Variants in SNTG1 observed in about 807,000 individuals in gnomAD.
The protein encoded by SNTG1 is gamma-1-syntrophin.
SNTG1 carries 39 observed loss-of-function variants against 74.7 expected under a neutral mutation model. That is an observed-to-expected ratio of 0.52 (90% CI 0.40 to 0.68). The LOEUF (loss-of-function observed/expected upper bound fraction) is 0.68, where lower values mean the gene tolerates loss of function less well. Among genes scored for constraint, SNTG1 ranks in the 30% least tolerant of loss-of-function variants. The pLI, the probability that SNTG1 is intolerant of heterozygous loss-of-function variation, is 0.00. For synonymous variants in SNTG1, 254 were observed against 217.1 expected (o/e 1.17, Z -1.49); for missense variants, 685 against 609.5 (o/e 1.12, Z -1.30).
intron 1 of SNTG1, among the ~76,000 whole-genome samples, chr8:50,069,268 C>T (rs1266698157): frequency 2.6e-5 from 4 of 152,150 alleles, no homozygotes; most frequent in African/African-American, 9.7e-5. Context: ...CAACTTTGGG[C>T]TCAGTGGTAT....
At chr8:50,167,387 C>T (rs2082658397) in intron 1 of SNTG1, among the ~76,000 whole-genome samples, 1 of 150,794 alleles carries the variant, frequency 6.6e-6, no homozygotes, top group Non-Finnish European at 1.5e-5. Context: ...TCTAAACCAA[C>T]TTTTCCTATA....
chr8:49,946,452 A>G (rs1439280624), intron 1 of SNTG1, among the ~76,000 whole-genome samples: 2 of 152,176 alleles, frequency 1.3e-5, no homozygotes, highest in Non-Finnish European at 2.9e-5. Context: ...AAGGATTTCA[A>G]TCCTCCCTAA....
intron 16 of SNTG1, among the ~76,000 whole-genome samples, chr8:50,704,953 T>A (rs1398118777): frequency 6.6e-6 from 1 of 152,218 alleles, no homozygotes; most frequent in East Asian, 1.9e-4. Flanking sequence ...CGACTTGATC[T>A]TTCCAGGCTA....
chr8:49,994,613 T>C (rs1814026369), intron 1 of SNTG1, among the ~76,000 whole-genome samples: 1 of 151,994 alleles, frequency 6.6e-6, no homozygotes, highest in Non-Finnish European at 1.5e-5. Flanking sequence ...ATGTGCTGAA[T>C]TGTAGTAACC....
chr8:50,672,991 G>A (rs1418604421), intron 15 of SNTG1, among the ~76,000 whole-genome samples: 1 of 152,204 alleles, frequency 6.6e-6, no homozygotes, highest in East Asian at 1.9e-4. Flanking sequence ...AGATCAGACA[G>A]TTATAGATGT....
chr8:50,384,155 A>G (rs1035405454), intron 2 of SNTG1, among the ~76,000 whole-genome samples: 7 of 152,124 alleles, frequency 4.6e-5, no homozygotes, highest in Non-Finnish European at 1.5e-5. Flanking sequence ...GAGAACTTTG[A>G]CTCAGCCCTG....
intron 1 of SNTG1, among the ~76,000 whole-genome samples, chr8:50,117,691 C>T (rs541552468): frequency 8.5e-5 from 13 of 152,192 alleles, no homozygotes; most frequent in African/African-American, 2.2e-4. Context: ...CAGTGAGTAG[C>T]GAAGTCTCTC....
intron 15 of SNTG1, among the ~76,000 whole-genome samples, chr8:50,673,291 G>T (rs1209199951): frequency 6.6e-6 from 1 of 152,120 alleles, no homozygotes; most frequent in Non-Finnish European, 1.5e-5. Context: ...TCATGATATT[G>T]ATTCTTCTTA....
intron 1 of SNTG1, among the ~76,000 whole-genome samples, chr8:50,062,561 G>A (rs976340933): frequency 1.3e-5 from 2 of 151,952 alleles, no homozygotes; most frequent in African/African-American, 4.8e-5. Context: ...CACTAATGCT[G>A]CCAATTCTGC....
chr8:50,154,035 C>A (rs1321176534), intron 1 of SNTG1, among the ~76,000 whole-genome samples: 2 of 152,172 alleles, frequency 1.3e-5, no homozygotes, highest in Non-Finnish European at 2.9e-5. Flanking sequence ...CCTCCTTGAG[C>A]TGAGGTGGGC....
At chr8:50,363,329 G>C (rs2092014257) in intron 2 of SNTG1, among the ~76,000 whole-genome samples, 3 of 152,140 alleles carry the variant, frequency 2.0e-5, no homozygotes, top group Non-Finnish European at 4.4e-5. Flanking sequence ...GTGCAAAGGT[G>C]GTGAATCTGG....
At chr8:50,690,212 T>A (rs1391491503) in intron 15 of SNTG1, among the ~76,000 whole-genome samples, 4 of 152,306 alleles carry the variant, frequency 2.6e-5, no homozygotes, top group African/African-American at 9.6e-5. Context: ...CCTGGATTCA[T>A]TAATTTTTGA....
chr8:50,263,867 C>A lies in SNTG1; in HGVS notation c.-28+91232C>A, dbSNP rs189222842. On this transcript the variant is annotated intron_variant, in intron 2 of 18. Coordinates refer to ENST00000642720, the MANE Select transcript of SNTG1 (RefSeq NM_018967.5). ...CAACAGACATGTGTAGAACACTTCA[C>A]TCAGTGATTGCGGCATACACATTCA... 3.1e-3 allele frequency among the ~76,000 whole-genome samples: 477 copies of A among 152,282 alleles called. 3 individuals are homozygous for A. Among genetic ancestry groups the A allele is most frequent in the African/African-American group, 0.011 (457 of 41,580 alleles).
At chr8:50,188,605 C>A (rs1474247262) in intron 2 of SNTG1, among the ~76,000 whole-genome samples, 1 of 152,064 alleles carries the variant, frequency 6.6e-6, no homozygotes, top group East Asian at 1.9e-4. Context: ...ATTTGGGACA[C>A]CTCTTCATGT....
intron 2 of SNTG1, among the ~76,000 whole-genome samples, chr8:50,275,649 G>A (rs910087268): frequency 6.6e-6 from 1 of 152,072 alleles, no homozygotes; most frequent in African/African-American, 2.4e-5. Context: ...ATGAATTTGT[G>A]GAGCTCCTAC....
At chr8:50,598,253 T>G (rs1256376007) in intron 13 of SNTG1, among the ~76,000 whole-genome samples, 2 of 151,966 alleles carry the variant, frequency 1.3e-5, no homozygotes, top group Non-Finnish European at 2.9e-5. Context: ...TAAGACATTT[T>G]GATTTGATTT....
Position 50,447,514 on chromosome 8 carries a change from T to G in SNTG1, c.220-2154T>G, listed in dbSNP as rs147147825. ...AAGAAACATAGATGCATCCTTAACATCCTTTCTAATTTCCAAGTGTCTCTA... is the reference window on the plus strand; with the variant it reads ...AAGAAACATAGATGCATCCTTAACAGCCTTTCTAATTTCCAAGTGTCTCTA... On this transcript the variant is annotated intron_variant, in intron 5 of 18. Transcript: ENST00000642720. 2.8e-4 allele frequency among the ~76,000 whole-genome samples: 42 copies of G among 152,302 alleles called. 1 individual carries two copies. The East Asian group carries it at 3.7e-3, about 13-fold the overall frequency.
At chr8:49,938,766 T>G (rs957551490) in intron 1 of SNTG1, among the ~76,000 whole-genome samples, 1 of 151,402 alleles carries the variant, frequency 6.6e-6, no homozygotes, top group African/African-American at 2.4e-5. Context: ...AATATAAATT[T>G]AAACTAGATA....
intron 1 of SNTG1, among the ~76,000 whole-genome samples, chr8:50,037,057 C>T (rs1338220832): frequency 6.6e-6 from 1 of 152,202 alleles, no homozygotes; most frequent in East Asian, 1.9e-4. Flanking sequence ...CAAGCTCTTG[C>T]TTTTCAGCAC....
Sources: allele counts gnomAD v4.1 joint callset (sites outside exome capture counted in the v4.1 genomes callset), GRCh38; gene constraint gnomAD v4.1.1; transcripts MANE v1.5; gene names NCBI Gene and HGNC (gene_info 2026-07-23, HGNC 2026-07-21).